The following DLD variants were observed in gnomAD, a reference collection of about 807,000 sequenced individuals.
The protein encoded by DLD is dihydrolipoyl dehydrogenase, mitochondrial.
In DLD, 36 loss-of-function variants were observed where a neutral mutation model predicts 62.2. The ratio of observed to expected loss-of-function variants is 0.58; its 90% CI spans 0.44 to 0.76. The LOEUF is 0.76. Ranked by LOEUF, DLD falls within the 30% of genes least tolerant of loss-of-function variation. The pLI is 0.00. For missense variants in DLD, 541 were observed against 608.6 expected (o/e 0.89, Z 1.17); for synonymous variants, 204 against 199.6 (o/e 1.02, Z -0.19).
chr7:107,906,831 G>T (rs1362051938), intron 8 of DLD, among the ~76,000 whole-genome samples: 1 of 152,086 alleles, frequency 6.6e-6, no homozygotes, highest in Non-Finnish European at 1.5e-5. Context: ...TAGACCTTCT[G>T]TCTGCCTTGT....
intron 2 of DLD, among the ~76,000 whole-genome samples, chr7:107,900,081 A>T (rs1477884113): frequency 1.3e-5 from 2 of 151,938 alleles, no homozygotes; most frequent in East Asian, 3.8e-4. Context: ...AATTGAAGCA[A>T]TTTTTCATGT....
At chr7:107,906,151 A>T (rs2032001028) in intron 7 of DLD, 116 bp from the exon 8 acceptor site, 4 of 650,380 alleles carry the variant, frequency 6.2e-6, no homozygotes, top group Admixed American at 2.6e-5. Context: ...TTTTTTCCTG[A>T]ATATTTTCAA....
At chr7:107,917,085 C>G in intron 10 of DLD, 121 bp downstream of exon 10, 1 of 1,228,324 alleles carries the variant, frequency 8.1e-7, no homozygotes, top group Admixed American at 2.1e-5. Context: ...AGTAAACTTA[C>G]AAAATGTAAA....
chr7:107,916,562 C>T (rs1369198988), intron 9 of DLD, among the ~76,000 whole-genome samples: 1 of 151,918 alleles, frequency 6.6e-6, no homozygotes, highest in South Asian at 2.1e-4. Flanking sequence ...GTCCCAGCTA[C>T]TAGGGAGGCT....
intron 10 of DLD, 98 bp downstream of exon 10, chr7:107,917,062 T>G: frequency 7.6e-7 from 1 of 1,315,122 alleles, no homozygotes; most frequent in Non-Finnish European, 1.1e-6. Flanking sequence ...ATGTATTGGC[T>G]TTGGGGAAGA....
chr7:107,895,221 A>T (rs575667543), intron 2 of DLD, among the ~76,000 whole-genome samples: 41 of 152,324 alleles, frequency 2.7e-4, no homozygotes, highest in Admixed American at 3.9e-4. Context: ...AGGTTTTTTA[A>T]CTAGGAAATG....
At chr7:107,914,064 G>C (rs190174876) in intron 8 of DLD, among the ~76,000 whole-genome samples, 1 of 152,202 alleles carries the variant, frequency 6.6e-6, no homozygotes, top group African/African-American at 2.4e-5. Context: ...GCATCTCTGG[G>C]ATGAATCCTG....
In DLD at chr7:107,898,270, C is replaced by CTTTTTT. The variant is rs67913323; in HGVS notation, c.119-3449_119-3444dup. Among the ~76,000 whole-genome samples the CTTTTTT allele has an allele frequency of 8.7e-4, 57 of 65,564 alleles. 2 individuals are homozygous for CTTTTTT. The highest frequency in any genetic ancestry group is 3.4e-3 in the African/African-American group (52 of 15,460). 43.0% of individuals were successfully genotyped at this position (65,564 alleles called of 152,430 possible). ...TTTCATTTAACTACTTTTCTGTATC[C>CTTTTTT]TTTTTTTTTTTTTTTTTTTTTTTTG... On this transcript the variant is annotated intron_variant, in intron 2 of 13. Transcript: ENST00000205402.
chr7:107,917,174 G>T, intron 10 of DLD, 99 bp from the exon 11 acceptor site: 1 of 1,410,174 alleles, frequency 7.1e-7, no homozygotes, highest in Admixed American at 1.8e-5. Flanking sequence ...GTATTTTTTG[G>T]TGACTTGTTT....
chr7:107,913,242 T>C (rs2032187117), intron 8 of DLD, among the ~76,000 whole-genome samples: 1 of 152,130 alleles, frequency 6.6e-6, no homozygotes, highest in Non-Finnish European at 1.5e-5. Context: ...GTTTCCAGCT[T>C]TCTTCTTTTT....
Position 107,893,105 on chromosome 7 carries a change from T to C in DLD, c.40-95T>C. ...AGATACACTAATAATCCTCGCTTGA[T>C]ACGTTTGCCCAAAATTGTTCTGTTA... is the stretch of plus-strand genomic sequence containing the variant. On this transcript the variant is annotated intron_variant, in intron 1 of 13. Transcript: ENST00000205402. The C allele has an allele frequency of 2.6e-5, 23 of 892,856 alleles. No homozygotes were observed. In the South Asian group the frequency reaches 3.4e-4, roughly 13 times the overall value. 55.3% of individuals were successfully genotyped at this position (892,856 alleles called of 1,614,324 possible).
intron 2 of DLD, chr7:107,893,561 A>C (rs1323024365): frequency 3.9e-6 from 1 of 257,096 alleles, no homozygotes; most frequent in Non-Finnish European, 7.5e-6. Context: ...TAAAGCAGGT[A>C]ATAGGGAGGA....
chr7:107,896,405 G>T (rs1035765772), intron 2 of DLD, among the ~76,000 whole-genome samples: 5 of 152,150 alleles, frequency 3.3e-5, no homozygotes, highest in African/African-American at 1.2e-4. Context: ...CTAGGCTGCA[G>T]GTGTCATCCT....
intron 2 of DLD, among the ~76,000 whole-genome samples, chr7:107,895,015 C>G (rs537360236): frequency 1.3e-5 from 2 of 152,240 alleles, no homozygotes; most frequent in Non-Finnish European, 2.9e-5. Flanking sequence ...ACACTGGGGC[C>G]TGGTCTGTTT....
chr7:107,919,168 T>G, intron 13 of DLD, 26 bp from the exon 14 acceptor site: 1 of 1,613,104 alleles, frequency 6.2e-7, no homozygotes, highest in Non-Finnish European at 8.5e-7. Flanking sequence ...TATTTGGATT[T>G]TAATTTTAAA....
intron 4 of DLD, among the ~76,000 whole-genome samples, 199 bp from the exon 5 acceptor site, chr7:107,903,279 T>TC (rs1483811665): frequency 6.6e-6 from 1 of 152,090 alleles, no homozygotes; most frequent in Non-Finnish European, 1.5e-5. Flanking sequence ...ATGCCTGTAA[T>TC]CCCAGGGACA....
At chr7:107,891,410 C>G in intron 1 of DLD, 121 bp downstream of exon 1, 1 of 1,084,294 alleles carries the variant, frequency 9.2e-7, no homozygotes, top group Non-Finnish European at 1.4e-6. Flanking sequence ...CCGCACCACC[C>G]CTGGCCCCGC....
intron 1 of DLD, chr7:107,891,595 CCTCT>C (rs1252568583): frequency 1.3e-5 from 7 of 555,850 alleles, no homozygotes; most frequent in African/African-American, 9.5e-5. Flanking sequence ...CACACATAGG[CCTCT>C]ACCTTGGAGG....
intron 2 of DLD, among the ~76,000 whole-genome samples, chr7:107,895,981 A>G (rs2031712876): frequency 6.6e-6 from 1 of 152,212 alleles, no homozygotes; most frequent in Non-Finnish European, 1.5e-5. Context: ...GGTAGATGGA[A>G]CAGATCGTAC....
Sources: allele counts gnomAD v4.1 joint callset (sites outside exome capture counted in the v4.1 genomes callset), GRCh38; gene constraint gnomAD v4.1.1; transcripts MANE v1.5; gene names NCBI Gene and HGNC (gene_info 2026-07-23, HGNC 2026-07-21).